Variants in DST observed in about 807,000 individuals in gnomAD.
DST encodes dystonin, also known as bullous pemphigoid antigen.
DST carries 253 observed loss-of-function variants against 875.2 expected under a neutral mutation model. The ratio of observed to expected loss-of-function variants is 0.29; its 90% CI spans 0.26 to 0.32. The LOEUF is 0.32. Ranked by LOEUF, DST falls within the 10% of genes least tolerant of loss-of-function variation. The probability of loss-of-function intolerance (pLI) is 1.00; values close to 1 mark genes in which losing one functional copy is unlikely to be tolerated. For missense variants in DST, 8,287 were observed against 9,111.6 expected, an observed-to-expected ratio of 0.91 and a Z score of 3.68; for synonymous variants, 3,124 against 3,197.1, an observed-to-expected ratio of 0.98 and a Z score of 0.77.
intron 58 of DST, among the ~76,000 whole-genome samples, chr6:56,557,790 A>G (rs2097452197): frequency 6.6e-6 from 1 of 152,154 alleles, no homozygotes; most frequent in South Asian, 2.1e-4. Context: ...GCATTCTGGG[A>G]TCTCTCATTC....
chr6:56,568,339 T>C (rs1043558034), intron 55 of DST, 130 bp downstream of exon 55: 90 of 960,708 alleles, frequency 9.4e-5, no homozygotes, highest in Admixed American at 1.7e-4. Flanking sequence ...ACAGATGCCA[T>C]GTTTCTTGTC....
Position 56,756,187 on chromosome 6 carries a change from A to AAAGG in DST, c.626-20902_626-20899dup, listed in dbSNP as rs548707900. ...ACCCACTCCCTATCTGGTACCGTGT[A>AAAGG]AAGGAGGCTACCCTTGGTTCTGCTT... On this transcript the variant is annotated intron_variant, in intron 4 of 103. Transcript: ENST00000680361. 8.7e-4 allele frequency among the ~76,000 whole-genome samples: 132 copies of AAAGG among 152,074 alleles called. 2 individuals carry two copies. The highest frequency in any genetic ancestry group is 2.9e-4 in the Non-Finnish European group (20 of 68,008).
intron 55 of DST, among the ~76,000 whole-genome samples, chr6:56,563,305 T>G (rs10956227): frequency 6.6e-6 from 1 of 152,256 alleles, no homozygotes; most frequent in Non-Finnish European, 1.5e-5. Flanking sequence ...GGTACCTCAT[T>G]GTGGTTTTGA....
chr6:56,655,148 G>T (rs1473240050), intron 10 of DST, among the ~76,000 whole-genome samples: 1 of 138,264 alleles, frequency 7.2e-6, no homozygotes, highest in Non-Finnish European at 1.5e-5. Flanking sequence ...GTGACAGAGC[G>T]AGACTTTGCC....
In DST at chr6:56,506,457, G is replaced by C; in HGVS notation, c.19450C>G (p.Gln6484Glu). 1 of 1,612,192 alleles carries C rather than the reference G, an allele frequency of 6.2e-7. No individual in the cohort carries two copies. The highest frequency in any genetic ancestry group is 8.5e-7 in the Non-Finnish European group (1 of 1,178,934). The change falls in exon 77 of 104, where the codon CAG (glutamine) becomes GAG (glutamate). Residue 6484 changes from glutamine (Q) to glutamate (E), a missense_variant. This residue lies in a region of DST where 1,292 missense variants were observed against 1,552.7 expected (regional missense o/e 0.83). Transcript: ENST00000680361. The part of the protein sequence containing the change: ...EEAMQAAVQY[Q>E]DGLQAVFDWV... The stretch of plus-strand genomic sequence containing the variant: ...AATCCCCTTACCTGCAGTCCATCCT[G>C]GTACTGAACGGCAGCCTGCATTGCC...
At chr6:56,646,450 A>G (rs1002151190) in intron 13 of DST, among the ~76,000 whole-genome samples, 1 of 152,206 alleles carries the variant, frequency 6.6e-6, no homozygotes, top group Non-Finnish European at 1.5e-5. Context: ...AGTGTTTACT[A>G]GTGCTCTACT....
In DST at chr6:56,460,211, A is replaced by AAAT. The variant is rs1338113156; in HGVS notation, c.23111_23113dup (p.Tyr7704dup). Reference sequence around the variant, plus strand: ...CCCAGAGTGGAAGCCTTTCCCTGATAAATATCCTGGAAGTCGAAGCTTGCT... The same window carrying AAAT: ...CCCAGAGTGGAAGCCTTTCCCTGATAAATAATATCCTGGAAGTCGAAGCTTGCT... On this transcript the variant is annotated inframe_insertion, in exon 103 of 104. Coordinates refer to ENST00000680361, the MANE Select transcript of DST (RefSeq NM_001374736.1). The AAAT allele has an allele frequency of 6.2e-7, 1 of 1,613,954 alleles. No individual in the cohort carries two copies. Among genetic ancestry groups the AAAT allele is most frequent in the Non-Finnish European group, 8.5e-7 (1 of 1,179,862 alleles).
chr6:56,896,456 C>T (rs974739157), intron 3 of DST, among the ~76,000 whole-genome samples: 4 of 152,140 alleles, frequency 2.6e-5, no homozygotes, highest in Admixed American at 2.0e-4. Context: ...CTGAGGCCTC[C>T]CCAGCCATGT....
At chr6:56,765,108 T>C (rs1424057979) in intron 4 of DST, among the ~76,000 whole-genome samples, 1 of 152,156 alleles carries the variant, frequency 6.6e-6, no homozygotes, top group Non-Finnish European at 1.5e-5. Flanking sequence ...ATTCAGTGGT[T>C]CCAGTTTCTT....
chr6:56,927,676 A>G (rs1295128613), intron 2 of DST, among the ~76,000 whole-genome samples: 2 of 152,212 alleles, frequency 1.3e-5, no homozygotes, highest in Admixed American at 6.5e-5. Context: ...TTTGACGAAG[A>G]GAAAAAAATT....
At chr6:56,489,428 G>A in intron 86 of DST, 62 bp downstream of exon 86, 1 of 1,498,360 alleles carries the variant, frequency 6.7e-7, no homozygotes, top group Non-Finnish European at 8.9e-7. Flanking sequence ...ATGAAGTAAG[G>A]ATTTTAAAGT....
chr6:56,783,527 C>T (rs149686082), intron 4 of DST, among the ~76,000 whole-genome samples: 1,609 of 152,136 alleles, frequency 0.011, 27 homozygotes, highest in African/African-American at 0.037. Flanking sequence ...GTCTGTTTTA[C>T]CAGAGACTAG....
intron 94 of DST, 97 bp downstream of exon 94, chr6:56,471,962 A>G (rs1312709927): frequency 1.2e-5 from 15 of 1,278,366 alleles, no homozygotes; most frequent in Non-Finnish European, 1.5e-5. Flanking sequence ...GCTTATTATC[A>G]GAAAAGTTAA....
At chr6:56,753,808 T>C (rs777197048) in intron 4 of DST, among the ~76,000 whole-genome samples, 1 of 152,132 alleles carries the variant, frequency 6.6e-6, no homozygotes, top group African/African-American at 2.4e-5. Context: ...TAAGCACAAG[T>C]TAACAAAATG....
chr6:56,868,179 T>C (rs1016445506), intron 3 of DST, among the ~76,000 whole-genome samples: 1 of 152,224 alleles, frequency 6.6e-6, no homozygotes, highest in Non-Finnish European at 1.5e-5. Flanking sequence ...CAATTTTAAA[T>C]GCTTAGCTAA....
chr6:56,783,892 C>T (rs1248670500), intron 4 of DST, among the ~76,000 whole-genome samples: 1 of 152,134 alleles, frequency 6.6e-6, no homozygotes, highest in Non-Finnish European at 1.5e-5. Flanking sequence ...TTAGTGCTTC[C>T]TTCAGGCGCT....
chr6:56,629,452 C>T lies in DST; in HGVS notation c.4282-9G>A, dbSNP rs1425857869. The T allele has an allele frequency of 2.5e-6, 4 of 1,603,602 alleles. No homozygotes were observed. The highest frequency in any genetic ancestry group is 1.1e-5 in the South Asian group (1 of 90,856). ...ACTTCAGATCTCCATTGCTAAAATA[C>T]ATTAATTGGTAAAAGTTATAAAAAT... On this transcript the variant is annotated splice_polypyrimidine_tract_variant and intron_variant, in intron 31 of 103. Coordinates refer to ENST00000680361, the MANE Select transcript of DST (RefSeq NM_001374736.1).
chr6:56,742,289 C>T, intron 4 of DST: 2 of 1,289,510 alleles, frequency 1.6e-6, no homozygotes, highest in African/African-American at 1.5e-5. Flanking sequence ...CACATCAGTC[C>T]CACCAGCTTT....
intron 4 of DST, among the ~76,000 whole-genome samples, chr6:56,768,469 T>G (rs2099640068): frequency 6.6e-6 from 1 of 152,190 alleles, no homozygotes; most frequent in Admixed American, 6.5e-5. Flanking sequence ...CAAATGGTAC[T>G]GGAACAACTG....
Sources: allele counts gnomAD v4.1 joint callset (sites outside exome capture counted in the v4.1 genomes callset), GRCh38; gene constraint gnomAD v4.1.1; regional missense constraint gnomAD v4.1.1; transcripts MANE v1.5; gene names NCBI Gene and HGNC (gene_info 2026-07-23, HGNC 2026-07-21).